NKAIN2: variants seen among roughly 807,000 people sequenced by gnomAD.
NKAIN2 encodes the protein sodium/potassium-transporting ATPase subunit beta-1-interacting protein 2.
NKAIN2 carries 14 observed loss-of-function variants against 32.6 expected under a neutral mutation model. The ratio of observed to expected loss-of-function variants is 0.43; its 90% CI spans 0.28 to 0.67. The LOEUF is 0.67. Among genes scored for constraint, NKAIN2 ranks in the 30% least tolerant of loss-of-function variants. The pLI is 0.17. For synonymous variants in NKAIN2, 80 were observed against 87.2 expected (o/e 0.92, Z 0.46); for missense variants, 198 against 258.3 (o/e 0.77, Z 1.60).
chr6:124,712,982 G>C (rs149695795), intron 4 of NKAIN2, among the ~76,000 whole-genome samples: 223 of 152,126 alleles, frequency 1.5e-3, no homozygotes, highest in African/African-American at 5.1e-3. Context: ...TTATAGTCAA[G>C]ATATTTATCT....
Position 124,734,463 on chromosome 6 carries a change from AC to A in NKAIN2, c.475-56875del, listed in dbSNP as rs1310182835. On this transcript the variant is annotated intron_variant, in intron 4 of 6. Transcript: ENST00000368417. ...GCTTAAAATCTTTAAATGGTCCCTT[AC>A]TACCTAAATTCTTTATCATTACCCT... is the stretch of plus-strand genomic sequence containing the variant. Among the ~76,000 whole-genome samples the A allele has an allele frequency of 2.3e-5, 3 of 132,368 alleles. No individual in the cohort carries two copies. In the Admixed American group the frequency reaches 2.4e-4, roughly 10 times the overall value. 86.8% of individuals were successfully genotyped at this position (132,368 alleles called of 152,430 possible).
At chr6:124,122,314 A>G (rs1562370554) in intron 1 of NKAIN2, among the ~76,000 whole-genome samples, 2 of 152,206 alleles carry the variant, frequency 1.3e-5, no homozygotes, top group East Asian at 1.9e-4. Flanking sequence ...TGAACATGTT[A>G]TCTTTAAAAC....
intron 1 of NKAIN2, among the ~76,000 whole-genome samples, chr6:124,192,764 T>A (rs1013822078): frequency 5.6e-4 from 81 of 145,408 alleles, no homozygotes; most frequent in African/African-American, 1.7e-3. Context: ...TTTTTTTTTT[T>A]TTTGAGACAG....
intron 1 of NKAIN2, among the ~76,000 whole-genome samples, chr6:124,172,345 T>C (rs1402301665): frequency 6.6e-6 from 1 of 152,172 alleles, no homozygotes; most frequent in Non-Finnish European, 1.5e-5. Flanking sequence ...ATAGAGTAAG[T>C]AGAATGTCCT....
At chr6:124,593,904 T>G (rs1278080046) in intron 3 of NKAIN2, among the ~76,000 whole-genome samples, 1 of 152,186 alleles carries the variant, frequency 6.6e-6, no homozygotes, top group Non-Finnish European at 1.5e-5. Context: ...TTGGATACTA[T>G]TCTATATTGT....
chr6:124,771,574 T>C (rs1387366395), intron 4 of NKAIN2, among the ~76,000 whole-genome samples: 1 of 152,200 alleles, frequency 6.6e-6, no homozygotes, highest in African/African-American at 2.4e-5. Context: ...TTAAGCAGCA[T>C]ATATAATACA....
intron 1 of NKAIN2, among the ~76,000 whole-genome samples, chr6:124,165,008 G>T (rs1788463492): frequency 2.0e-5 from 3 of 151,948 alleles, no homozygotes; most frequent in Admixed American, 6.6e-5. Context: ...AGACAATCTT[G>T]TAGGGTTTTA....
At chr6:124,785,520 C>G (rs560552685) in intron 4 of NKAIN2, among the ~76,000 whole-genome samples, 1 of 152,124 alleles carries the variant, frequency 6.6e-6, no homozygotes, top group South Asian at 2.1e-4. Context: ...TTAATTAAAC[C>G]TTTCATTTTA....
chr6:124,726,114 G>A (rs915855839), intron 4 of NKAIN2, among the ~76,000 whole-genome samples: 41 of 152,330 alleles, frequency 2.7e-4, no homozygotes, highest in African/African-American at 7.9e-4. Context: ...ACTGCAAGGC[G>A]GCAGCGAGCC....
intron 4 of NKAIN2, among the ~76,000 whole-genome samples, chr6:124,724,547 G>A (rs182517420): frequency 1.3e-5 from 2 of 152,204 alleles, no homozygotes; most frequent in Admixed American, 1.3e-4. Flanking sequence ...ATTCACACAG[G>A]TAAGATACTC....
At chr6:124,263,608 T>A (rs1794350401) in intron 1 of NKAIN2, among the ~76,000 whole-genome samples, 1 of 152,198 alleles carries the variant, frequency 6.6e-6, no homozygotes, top group South Asian at 2.1e-4. Context: ...AATCATTACA[T>A]AGTTAATTCC....
intron 3 of NKAIN2, among the ~76,000 whole-genome samples, chr6:124,652,887 C>T (rs569026261): frequency 6.6e-6 from 1 of 152,186 alleles, no homozygotes; most frequent in African/African-American, 2.4e-5. Flanking sequence ...CACTTCCCAA[C>T]ACTATTGCTT....
At chr6:124,383,933 C>A (rs781402505) in intron 3 of NKAIN2, among the ~76,000 whole-genome samples, 1 of 152,112 alleles carries the variant, frequency 6.6e-6, no homozygotes, top group Non-Finnish European at 1.5e-5. Flanking sequence ...TCAGTCTCTC[C>A]ATTAGGGAAA....
intron 3 of NKAIN2, among the ~76,000 whole-genome samples, chr6:124,525,262 ACTGT>A (rs1251630961): frequency 4.6e-5 from 7 of 151,960 alleles, no homozygotes; most frequent in South Asian, 2.1e-4. Context: ...TTTAATTATA[ACTGT>A]CTATCTTATA....
chr6:124,701,533 CTAAT>C (rs1774791532), intron 4 of NKAIN2, among the ~76,000 whole-genome samples: 2 of 151,852 alleles, frequency 1.3e-5, no homozygotes, highest in African/African-American at 2.4e-5. Context: ...CTGAAAACAA[CTAAT>C]TAAAGGAAGC....
At chr6:124,529,808 C>T (rs1365667448) in intron 3 of NKAIN2, among the ~76,000 whole-genome samples, 1 of 152,172 alleles carries the variant, frequency 6.6e-6, no homozygotes, top group African/African-American at 2.4e-5. Context: ...TTTTTCCACT[C>T]ATGTAACCAT....
chr6:124,376,759 A>G (rs770125638), intron 3 of NKAIN2, among the ~76,000 whole-genome samples: 4 of 152,144 alleles, frequency 2.6e-5, no homozygotes, highest in Admixed American at 6.5e-5. Context: ...TTTCTCTACT[A>G]TAAATATCAT....
intron 3 of NKAIN2, among the ~76,000 whole-genome samples, chr6:124,402,519 A>G (rs1213735935): frequency 6.6e-6 from 1 of 152,176 alleles, no homozygotes; most frequent in African/African-American, 2.4e-5. Flanking sequence ...TTACAGCTTT[A>G]TATAAGGTCT....
intron 4 of NKAIN2, among the ~76,000 whole-genome samples, chr6:124,726,732 G>A (rs1583735552): frequency 6.4e-5 from 9 of 141,388 alleles, no homozygotes; most frequent in African/African-American, 1.1e-4. Context: ...GCTGAGAGAA[G>A]AAGGCTTCAG....
Sources: allele counts gnomAD v4.1 joint callset (sites outside exome capture counted in the v4.1 genomes callset), GRCh38; gene constraint gnomAD v4.1.1; transcripts MANE v1.5; gene names NCBI Gene and HGNC (gene_info 2026-07-23, HGNC 2026-07-21).